Variants in METTL15 observed in about 807,000 individuals in gnomAD.
METTL15 encodes 12S rRNA N(4)-cytidine methyltransferase METTL15.
A neutral mutation model predicts 38.3 loss-of-function variants in METTL15; 34 were observed. The observed-to-expected ratio is 0.89, with a 90% CI of 0.68 to 1.18. METTL15 has a LOEUF of 1.18. Ranked by LOEUF, METTL15 falls within the 50% of genes most tolerant of loss-of-function variation. The pLI, the probability that METTL15 is intolerant of heterozygous loss-of-function variation, is 0.00. For synonymous variants in METTL15, 162 were observed against 170.9 expected (o/e 0.95, Z 0.41); for missense variants, 438 against 498.4 (o/e 0.88, Z 1.15).
intron 3 of METTL15, among the ~76,000 whole-genome samples, chr11:28,124,378 T>A (rs1021006254): frequency 1.3e-5 from 2 of 152,106 alleles, no homozygotes; most frequent in African/African-American, 4.8e-5. Context: ...GTTATGCTGT[T>A]CTTGTCTTCA....
At chr11:28,468,036 C>A (rs1590384887) in intron 6 of METTL15, among the ~76,000 whole-genome samples, 1 of 147,688 alleles carries the variant, frequency 6.8e-6, no homozygotes, top group East Asian at 2.0e-4. Flanking sequence ...TTGAACATAA[C>A]AATCTAAGCA....
At chr11:28,480,182 ATT>A (rs1196532228) in intron 6 of METTL15, among the ~76,000 whole-genome samples, 1 of 152,124 alleles carries the variant, frequency 6.6e-6, no homozygotes, top group Non-Finnish European at 1.5e-5. Flanking sequence ...CATTATTAAC[ATT>A]TTCTTCATCA....
At chr11:28,114,308 AC>A (rs1287969558) in intron 3 of METTL15, among the ~76,000 whole-genome samples, 1 of 152,012 alleles carries the variant, frequency 6.6e-6, no homozygotes, top group Non-Finnish European at 1.5e-5. Context: ...ATGTATCTGT[AC>A]TTGGTTCTTT....
chr11:28,201,528 G>A, intron 3 of METTL15, among the ~76,000 whole-genome samples: 1 of 150,770 alleles, frequency 6.6e-6, no homozygotes, highest in South Asian at 2.1e-4. Flanking sequence ...CTTTTGGTTG[G>A]TAGGCTATTA....
intron 3 of METTL15, among the ~76,000 whole-genome samples, chr11:28,205,061 C>G (rs941701200): frequency 6.6e-6 from 1 of 151,404 alleles, no homozygotes. Flanking sequence ...TCTTTGTTAA[C>G]CACAAAAATT....
At chr11:28,276,304 A>T (rs895282158) in intron 4 of METTL15, among the ~76,000 whole-genome samples, 1 of 152,138 alleles carries the variant, frequency 6.6e-6, no homozygotes, top group Non-Finnish European at 1.5e-5. Flanking sequence ...ACCAGTAATG[A>T]TCTAACTGAA....
chr11:28,152,868 CAG>C (rs1491203827), intron 3 of METTL15, among the ~76,000 whole-genome samples: 27 of 152,042 alleles, frequency 1.8e-4, no homozygotes, highest in South Asian at 2.1e-4. Flanking sequence ...ATATCCTAAA[CAG>C]GGGTAGATTA....
intron 6 of METTL15, chr11:28,517,009 A>G (rs1851724844): frequency 1.3e-5 from 2 of 152,194 alleles, no homozygotes. Flanking sequence ...CATGTTGAAG[A>G]CCTCAGATTG....
intron 3 of METTL15, among the ~76,000 whole-genome samples, chr11:28,127,657 G>A (rs1057031292): frequency 6.6e-6 from 1 of 152,038 alleles, no homozygotes; most frequent in African/African-American, 2.4e-5. Context: ...ACTTGTATCT[G>A]TAAAGTGACT....
At chr11:28,451,617 T>G (rs1216730583) in intron 6 of METTL15, among the ~76,000 whole-genome samples, 1 of 151,768 alleles carries the variant, frequency 6.6e-6, no homozygotes, top group Non-Finnish European at 1.5e-5. Context: ...GGAAATGCAG[T>G]GTGTATATTA....
intron 3 of METTL15, among the ~76,000 whole-genome samples, chr11:28,114,347 G>T (rs993747475): frequency 6.6e-6 from 1 of 152,102 alleles, no homozygotes; most frequent in African/African-American, 2.4e-5. Context: ...GCATTGTATG[G>T]ATATGCCACA....
chr11:28,152,717 G>A (rs1013326552), intron 3 of METTL15, among the ~76,000 whole-genome samples: 8 of 152,114 alleles, frequency 5.3e-5, no homozygotes, highest in Non-Finnish European at 7.4e-5. Context: ...TTACAGGAAA[G>A]GGGTCCGTAT....
rs77159491 is a variant in METTL15, at chr11:28,342,889, C to T, written c.*190-9201C>T. On this transcript the variant is annotated intron_variant and NMD_transcript_variant, in intron 3 of 7. Coordinates refer to the METTL15 transcript ENST00000532947. ...TATCTTTGTCGTTAGCCCTACTAAC[C>T]AACATTTGATAATGTGCTTTTGAAA... 7.2e-5 allele frequency among the ~76,000 whole-genome samples: 11 copies of T among 152,280 alleles called. No individual in the cohort carries two copies. The East Asian group carries it at 2.1e-3, about 29-fold the overall frequency.
intron 3 of METTL15, among the ~76,000 whole-genome samples, chr11:28,205,917 G>C (rs1852319927): frequency 6.7e-6 from 1 of 149,756 alleles, no homozygotes; most frequent in Non-Finnish European, 1.5e-5. Flanking sequence ...TTTGAGAAGT[G>C]TCTGCTCATG....
chr11:28,391,986 C>T (rs1564917666), intron 5 of METTL15, among the ~76,000 whole-genome samples: 1 of 152,130 alleles, frequency 6.6e-6, no homozygotes, highest in African/African-American at 2.4e-5. Flanking sequence ...AACTAAAGAG[C>T]TTCTGCACAG....
intron 4 of METTL15, among the ~76,000 whole-genome samples, chr11:28,241,916 C>A (rs1854316456): frequency 6.6e-6 from 1 of 152,134 alleles, no homozygotes; most frequent in African/African-American, 2.4e-5. Context: ...ATTGAATGAA[C>A]ATTGGCTTTT....
chr11:28,236,189 T>G (rs1467272654), intron 4 of METTL15, among the ~76,000 whole-genome samples: 4 of 152,144 alleles, frequency 2.6e-5, no homozygotes, highest in Non-Finnish European at 5.9e-5. Context: ...CTTTTTGATG[T>G]GCTGCTGTAT....
At chr11:28,183,744 T>C (rs906967801) in intron 3 of METTL15, among the ~76,000 whole-genome samples, 6 of 151,842 alleles carry the variant, frequency 4.0e-5, no homozygotes, top group Non-Finnish European at 8.8e-5. Context: ...CTCTGCCAGG[T>C]TTTGGTATCA....
intron 3 of METTL15, among the ~76,000 whole-genome samples, chr11:28,117,747 G>T (rs1192484620): frequency 6.6e-6 from 1 of 152,100 alleles, no homozygotes; most frequent in Non-Finnish European, 1.5e-5. Context: ...CTTTTCTGCT[G>T]TCTGGCAGAC....
Sources: allele counts gnomAD v4.1 joint callset (sites outside exome capture counted in the v4.1 genomes callset), GRCh38; gene constraint gnomAD v4.1.1; transcripts MANE v1.5; gene names NCBI Gene and HGNC (gene_info 2026-07-23, HGNC 2026-07-21).